The following AGMO variants were observed in gnomAD, a reference collection of about 807,000 sequenced individuals.
AGMO encodes the protein glyceryl-ether monooxygenase.
AGMO carries 75 observed loss-of-function variants against 60.2 expected under a neutral mutation model. The ratio of observed to expected loss-of-function variants is 1.25; its 90% confidence interval spans 1.03 to 1.51. The LOEUF is 1.51. Among genes scored for constraint, AGMO ranks in the 40% most tolerant of loss-of-function variants. The probability of loss-of-function intolerance (pLI) is 0.00; values close to 1 mark genes in which losing one functional copy is unlikely to be tolerated. For missense variants in AGMO, 763 were observed against 525.5 expected, an observed-to-expected ratio of 1.45 and a Z score of -4.42; for synonymous variants, 261 against 177.1, an observed-to-expected ratio of 1.47 and a Z score of -3.76.
At chr7:15,308,572 T>C (rs537242816) in intron 12 of AGMO, among the ~76,000 whole-genome samples, 19 of 152,192 alleles carry the variant, frequency 1.2e-4, no homozygotes, top group Non-Finnish European at 2.4e-4. Flanking sequence ...CTCAATTTAC[T>C]GTAAGCTTTC....
chr7:15,268,752 AAGAG>A lies in AGMO; in HGVS notation c.1264-67397_1264-67394del, dbSNP rs1403943081. Among the ~76,000 whole-genome samples the A allele has an allele frequency of 2.0e-5, 3 of 151,984 alleles. No homozygotes were observed. In the Admixed American group the frequency reaches 2.0e-4, roughly 10 times the overall value. On this transcript the variant is annotated intron_variant, in intron 12 of 12. Transcript: ENST00000342526. Reference sequence around the variant, plus strand: ...ATGATCTGCAAAGGTGGGGGAATATAAGAGAGAGGGATGGGGATAATGTAGGCAT... The same window carrying A: ...ATGATCTGCAAAGGTGGGGGAATATAAGAGGGATGGGGATAATGTAGGCAT...
At chr7:15,359,187 G>A (rs1359554562) in intron 12 of AGMO, among the ~76,000 whole-genome samples, 4 of 151,222 alleles carry the variant, frequency 2.6e-5, no homozygotes, top group African/African-American at 9.7e-5. Flanking sequence ...TACTCGGGAG[G>A]CTGAGGCAGG....
chr7:15,354,376 G>C (rs1271979794), intron 12 of AGMO, among the ~76,000 whole-genome samples: 6 of 31,792 alleles, frequency 1.9e-4, no homozygotes, highest in Admixed American at 5.9e-4. Flanking sequence ...ATAGACGTGT[G>C]TATACACGTG....
At chr7:15,427,904 T>A (rs1467206574) in intron 4 of AGMO, among the ~76,000 whole-genome samples, 2 of 150,168 alleles carry the variant, frequency 1.3e-5, no homozygotes, top group Non-Finnish European at 3.0e-5. Context: ...TGGTTAGAAA[T>A]TCTAGAAAGT....
intron 3 of AGMO, among the ~76,000 whole-genome samples, chr7:15,436,793 A>C (rs1781415892): frequency 6.6e-6 from 1 of 152,202 alleles, no homozygotes. Flanking sequence ...GACTGGGTCC[A>C]AGTATTCTCT....
At chr7:15,174,822 T>C in the AGMO span, among the ~76,000 whole-genome samples, 1 of 152,008 alleles carries the variant, frequency 6.6e-6, no homozygotes, top group Non-Finnish European at 1.5e-5. Context: ...TTGAATTAAA[T>C]TATTTTGGAA....
At chr7:15,122,283 T>C in the AGMO span, among the ~76,000 whole-genome samples, 5 of 152,074 alleles carry the variant, frequency 3.3e-5, no homozygotes, top group Non-Finnish European at 4.4e-5. Context: ...ATCTACTTTG[T>C]TCATGCCTCA....
chr7:15,153,711 C>A, the AGMO span, among the ~76,000 whole-genome samples: 1 of 152,070 alleles, frequency 6.6e-6, no homozygotes, highest in East Asian at 1.9e-4. Flanking sequence ...TATTTTTATA[C>A]CAGAACCATG....
intron 12 of AGMO, among the ~76,000 whole-genome samples, chr7:15,215,905 C>G (rs933637791): frequency 2.6e-5 from 4 of 152,044 alleles, no homozygotes; most frequent in African/African-American, 9.7e-5. Flanking sequence ...TGAGCACTGA[C>G]GTATTACATC....
At chr7:15,275,600 G>A (rs1008443301) in intron 12 of AGMO, among the ~76,000 whole-genome samples, 1 of 151,990 alleles carries the variant, frequency 6.6e-6, no homozygotes, top group Non-Finnish European at 1.5e-5. Context: ...TAATTTCTTT[G>A]ATTTTCTGTC....
chr7:15,540,996 A>T (rs1189944620), intron 3 of AGMO, among the ~76,000 whole-genome samples: 1 of 152,240 alleles, frequency 6.6e-6, no homozygotes, highest in Non-Finnish European at 1.5e-5. Context: ...CCCAAGCAGT[A>T]ATTATCAGCT....
chr7:15,326,803 A>G (rs1781350528), intron 12 of AGMO, among the ~76,000 whole-genome samples: 1 of 152,172 alleles, frequency 6.6e-6, no homozygotes, highest in South Asian at 2.1e-4. Context: ...TATGTACAAA[A>G]GGCATAGCGA....
chr7:15,395,277 A>C (rs1360131415), intron 5 of AGMO, among the ~76,000 whole-genome samples: 1 of 152,194 alleles, frequency 6.6e-6, no homozygotes, highest in Non-Finnish European at 1.5e-5. Flanking sequence ...AGTCACTGAC[A>C]ATTATGACAT....
intron 12 of AGMO, among the ~76,000 whole-genome samples, chr7:15,327,093 C>G (rs910713307): frequency 6.6e-6 from 1 of 152,118 alleles, no homozygotes; most frequent in African/African-American, 2.4e-5. Context: ...GTTACGAAGC[C>G]TTTGTGCAAT....
intron 3 of AGMO, among the ~76,000 whole-genome samples, chr7:15,446,113 C>A (rs1051099896): frequency 4.6e-5 from 7 of 152,084 alleles, no homozygotes; most frequent in African/African-American, 1.7e-4. Context: ...TTTAAAAGAT[C>A]ATGAAGCAAA....
chr7:15,322,723 A>AATATATATATAAATATATAAATATATAT lies in AGMO; in HGVS notation c.1263+42763_1263+42790dup, dbSNP rs1781205417. ...ATGTATAAATATATATAAATATATA[A>AATATATATATAAATATATAAATATATAT]ATATATATATAAATATATAAATATA... On this transcript the variant is annotated intron_variant, in intron 12 of 12. Transcript: ENST00000342526. Among the ~76,000 whole-genome samples the AATATATATATAAATATATAAATATATAT allele has an allele frequency of 4.4e-5, 3 of 68,508 alleles. 1 individual carries two copies. Among genetic ancestry groups the AATATATATATAAATATATAAATATATAT allele is most frequent in the Admixed American group, 2.0e-4 (1 of 4,984 alleles). The allele number at this position is 68,508 out of a possible 152,430, so 44.9% of individuals were successfully genotyped here.
chr7:15,345,751 G>A (rs955334221), intron 12 of AGMO, among the ~76,000 whole-genome samples: 1 of 152,104 alleles, frequency 6.6e-6, no homozygotes, highest in Non-Finnish European at 1.5e-5. Context: ...ATTATCTGCA[G>A]AAAGCTTGAT....
At chr7:15,169,217 CT>C in the AGMO span, among the ~76,000 whole-genome samples, 1 of 152,164 alleles carries the variant, frequency 6.6e-6, no homozygotes, top group African/African-American at 2.4e-5. Context: ...CCAGAACATA[CT>C]TTTGGCTTTG....
At chr7:15,292,181 G>A (rs1183521750) in intron 12 of AGMO, among the ~76,000 whole-genome samples, 2 of 152,162 alleles carry the variant, frequency 1.3e-5, no homozygotes, top group African/African-American at 2.4e-5. Flanking sequence ...TTAACCTGGA[G>A]GATTCAGAGC....
Sources: allele counts gnomAD v4.1 joint callset (sites outside exome capture counted in the v4.1 genomes callset), GRCh38; gene constraint gnomAD v4.1.1; transcripts MANE v1.5; gene names NCBI Gene and HGNC (gene_info 2026-07-23, HGNC 2026-07-21).